The following QKI variants were observed in gnomAD, a reference collection of about 807,000 sequenced individuals.
QKI encodes the protein QKI, KH domain containing RNA binding, also known as KH domain-containing RNA-binding protein QKI.
QKI carries 10 observed loss-of-function variants against 39.0 expected under a neutral mutation model. The observed-to-expected ratio is 0.26, with a 90% confidence interval of 0.16 to 0.43. The LOEUF (loss-of-function observed/expected upper bound fraction) is 0.43, where lower values mean the gene tolerates loss of function less well. QKI is among the 20% of genes least tolerant of loss of function. QKI has a pLI of 1.00. For missense variants in QKI, 218 were observed against 428.0 expected, an observed-to-expected ratio of 0.51 and a Z score of 4.33; for synonymous variants, 204 against 155.4, an observed-to-expected ratio of 1.31 and a Z score of -2.33.
At chr6:163,534,869 T>C (rs1781099405) in intron 3 of QKI, 113 bp from the exon 4 acceptor site, 1 of 890,366 alleles carries the variant, frequency 1.1e-6, no homozygotes, top group African/African-American at 1.7e-5. Context: ...TGTGCCATCA[T>C]AGCAAAATAA....
In QKI at chr6:163,439,330, G is replaced by GTTT. The variant is rs200238041; in HGVS notation, c.143-15942_143-15940dup. Reference sequence around the variant, plus strand: ...TTTCGCTCTAGAATAATCCTTCGTGGTTTTTTTTTGTTTTTTTTTTTTTTC... The same window carrying GTTT: ...TTTCGCTCTAGAATAATCCTTCGTGGTTTTTTTTTTTTGTTTTTTTTTTTTTTC... On this transcript the variant is annotated intron_variant, in intron 1 of 7. Transcript: ENST00000361752. Among the ~76,000 whole-genome samples the GTTT allele has an allele frequency of 2.5e-4, 30 of 120,730 alleles. 1 individual carries two copies. The highest frequency in any genetic ancestry group is 5.3e-4 in the African/African-American group (16 of 30,458). The allele number at this position is 120,730 out of a possible 152,430, so 79.2% of individuals were successfully genotyped here. A position where few individuals can be genotyped will look rare whatever the true frequency, so the allele number is the denominator to read the frequency against.
intron 6 of QKI, chr6:163,566,113 TTA>T: frequency 1.4e-6 from 2 of 1,452,508 alleles, no homozygotes; most frequent in South Asian, 2.9e-5. Flanking sequence ...TAAAGTAAAA[TTA>T]TGTTATTAAT....
At chr6:163,523,240 G>T (rs2128238157) in intron 3 of QKI, among the ~76,000 whole-genome samples, 1 of 152,222 alleles carries the variant, frequency 6.6e-6, no homozygotes, top group East Asian at 1.9e-4. Flanking sequence ...TTGCCTGACT[G>T]AGTTTTTAAA....
At chr6:163,533,503 A>C (rs2128240876) in intron 3 of QKI, among the ~76,000 whole-genome samples, 1 of 152,250 alleles carries the variant, frequency 6.6e-6, no homozygotes, top group East Asian at 1.9e-4. Flanking sequence ...AAATTCTCAA[A>C]CTTTGGAATC....
intron 1 of QKI, among the ~76,000 whole-genome samples, chr6:163,419,864 A>G (rs905646356): frequency 1.3e-5 from 2 of 152,208 alleles, no homozygotes; most frequent in African/African-American, 4.8e-5. Context: ...ATGACTGAGA[A>G]TGTCAAGTTA....
intron 3 of QKI, among the ~76,000 whole-genome samples, chr6:163,481,853 A>G (rs1793098774): frequency 6.6e-6 from 1 of 152,188 alleles, no homozygotes. Context: ...GGGGAGGTTG[A>G]GTAATTTGCC....
At chr6:163,494,744 G>C (rs766892193) in intron 3 of QKI, among the ~76,000 whole-genome samples, 2 of 151,606 alleles carry the variant, frequency 1.3e-5, no homozygotes, top group Admixed American at 6.6e-5. Context: ...TGTCCCTCAA[G>C]CATAGTGCTG....
At chr6:163,468,604 C>A (rs1314552231) in intron 2 of QKI, among the ~76,000 whole-genome samples, 1 of 152,180 alleles carries the variant, frequency 6.6e-6, no homozygotes, top group Admixed American at 6.5e-5. Context: ...TAAACCTCTT[C>A]TTTGTAAATT....
chr6:163,488,479 T>G (rs1019791586), intron 3 of QKI, among the ~76,000 whole-genome samples: 2 of 152,196 alleles, frequency 1.3e-5, no homozygotes, highest in Non-Finnish European at 2.9e-5. Flanking sequence ...CTATAATGTT[T>G]TTATTTAATC....
intron 3 of QKI, among the ~76,000 whole-genome samples, chr6:163,489,161 T>A (rs1244412012): frequency 6.6e-6 from 1 of 151,838 alleles, no homozygotes; most frequent in African/African-American, 2.4e-5. Flanking sequence ...TTATTCGTTT[T>A]TTTTTTTTTT....
intron 1 of QKI, among the ~76,000 whole-genome samples, chr6:163,443,586 A>G (rs1317651238): frequency 6.6e-6 from 1 of 151,488 alleles, no homozygotes; most frequent in Non-Finnish European, 1.5e-5. Flanking sequence ...AACAACAACA[A>G]CTCCTCTTGG....
At chr6:163,424,055 A>G (rs928363412) in intron 1 of QKI, among the ~76,000 whole-genome samples, 1 of 152,380 alleles carries the variant, frequency 6.6e-6, no homozygotes, top group Admixed American at 6.5e-5. Flanking sequence ...ACTATATCGT[A>G]TTCCTGATGC....
At chr6:163,430,230 TC>T (rs1788717963) in intron 1 of QKI, among the ~76,000 whole-genome samples, 1 of 152,188 alleles carries the variant, frequency 6.6e-6, no homozygotes, top group African/African-American at 2.4e-5. Flanking sequence ...GTCCAGATTT[TC>T]TTATCTCTAT....
At position 163,573,887 on chromosome 6, in the gene QKI, G is replaced by A. The variant is rs1398199810; in HGVS notation, c.*3177G>A. ...AAAGAATGTAAAGTCTTGAGTTACTGGACTAACCCTGAAGAACGTGACCAC... is the reference window on the plus strand; with the variant it reads ...AAAGAATGTAAAGTCTTGAGTTACTAGACTAACCCTGAAGAACGTGACCAC... On this transcript the variant is annotated 3_prime_UTR_variant, in exon 8 of 8. Coordinates refer to ENST00000361752, the MANE Select transcript of QKI (RefSeq NM_006775.3). 6.6e-6 allele frequency: 1 copy of A among 152,106 alleles called. No individual in the cohort carries two copies. The highest frequency in any genetic ancestry group is 2.4e-5 in the African/African-American group (1 of 41,394). 9.4% of individuals were successfully genotyped at this position (152,106 alleles called of 1,614,324 possible).
At chr6:163,565,807 C>A in intron 6 of QKI, 15 of 1,362,334 alleles carry the variant, frequency 1.1e-5, no homozygotes, top group Non-Finnish European at 1.4e-5. Flanking sequence ...TATGTCACAT[C>A]TCACATTAAA....
intron 4 of QKI, among the ~76,000 whole-genome samples, chr6:163,549,735 A>G (rs572253496): frequency 1.3e-4 from 20 of 152,334 alleles, no homozygotes; most frequent in African/African-American, 4.3e-4. Context: ...AAACAAAAAC[A>G]TACTACATGG....
At chr6:163,431,724 T>C (rs1455893577) in intron 1 of QKI, among the ~76,000 whole-genome samples, 1 of 151,902 alleles carries the variant, frequency 6.6e-6, no homozygotes, top group Non-Finnish European at 1.5e-5. Context: ...TGGTGACCTT[T>C]GTAGCCTTTA....
chr6:163,564,460 C>A, intron 6 of QKI: 1 of 1,408,028 alleles, frequency 7.1e-7, no homozygotes, highest in Non-Finnish European at 9.2e-7. Context: ...TTTTTCAGTT[C>A]TTGTGTTTTG....
chr6:163,496,400 GGA>G (rs869227194), intron 3 of QKI, among the ~76,000 whole-genome samples: 2 of 152,058 alleles, frequency 1.3e-5, no homozygotes, highest in African/African-American at 2.4e-5. Context: ...GCATTAAGGA[GGA>G]GGTAAAGTAC....
Sources: allele counts gnomAD v4.1 joint callset (sites outside exome capture counted in the v4.1 genomes callset), GRCh38; gene constraint gnomAD v4.1.1; transcripts MANE v1.5; gene names NCBI Gene and HGNC (gene_info 2026-07-23, HGNC 2026-07-21).